SLC2A13: variants seen among roughly 807,000 people sequenced by gnomAD.
SLC2A13 encodes proton myo-inositol cotransporter.
SLC2A13 carries 32 observed loss-of-function variants against 64.4 expected under a neutral mutation model. The ratio of observed to expected loss-of-function variants is 0.50; its 90% CI spans 0.37 to 0.67. The LOEUF (loss-of-function observed/expected upper bound fraction) is 0.67. Among genes scored for constraint, SLC2A13 ranks in the 30% least tolerant of loss-of-function variants. The pLI is 0.00. For missense variants in SLC2A13, 743 were observed against 829.2 expected, an observed-to-expected ratio of 0.90 and a Z score of 1.28; for synonymous variants, 338 against 327.1, an observed-to-expected ratio of 1.03 and a Z score of -0.36.
At chr12:39,833,944 C>T (rs1016630363) in intron 6 of SLC2A13, among the ~76,000 whole-genome samples, 3 of 150,804 alleles carry the variant, frequency 2.0e-5, no homozygotes, top group African/African-American at 4.9e-5. Context: ...GAAAGTAGGT[C>T]GTAAGACCCT....
At position 39,764,727 on chromosome 12, in the gene SLC2A13, CTTTG is replaced by C. The variant is rs755202513; in HGVS notation, c.1567+6_1567+9del. 1 of 1,611,222 alleles carries C rather than the reference CTTTG, an allele frequency of 6.2e-7. No homozygotes were observed. Among genetic ancestry groups the C allele is most frequent in the East Asian group, 2.2e-5 (1 of 44,778 alleles). ...AATTAATGCAACAGTATAACAAAGT[CTTTG>C]TTTACCAGGTGCAAAGAAGACAAGA... On this transcript the variant is annotated splice_donor_region_variant and intron_variant, in intron 8 of 9. Coordinates refer to ENST00000280871, the MANE Select transcript of SLC2A13 (RefSeq NM_052885.4).
At chr12:40,076,061 C>A (rs1938159415) in intron 1 of SLC2A13, among the ~76,000 whole-genome samples, 1 of 152,170 alleles carries the variant, frequency 6.6e-6, no homozygotes, top group Non-Finnish European at 1.5e-5. Flanking sequence ...GTAGTGAGCA[C>A]CTGTTATCTT....
intron 3 of SLC2A13, among the ~76,000 whole-genome samples, chr12:39,990,249 A>G (rs1462520396): frequency 1.3e-5 from 2 of 152,166 alleles, no homozygotes; most frequent in East Asian, 3.9e-4. Flanking sequence ...AGTTCCTTCT[A>G]ACAGAGCAGG....
chr12:40,003,866 G>A (rs999578905), intron 3 of SLC2A13, among the ~76,000 whole-genome samples: 5 of 151,800 alleles, frequency 3.3e-5, no homozygotes, highest in South Asian at 2.1e-4. Context: ...GGTGACGGGC[G>A]CCGGTAATCT....
chr12:39,878,074 G>C (rs573344743), intron 4 of SLC2A13, among the ~76,000 whole-genome samples: 24 of 152,126 alleles, frequency 1.6e-4, no homozygotes, highest in Non-Finnish European at 3.1e-4. Context: ...GGCTTCCTAA[G>C]GCCTCCCAAG....
At position 39,758,305 on chromosome 12, in the gene SLC2A13, C is replaced by T. The variant is rs533467680; in HGVS notation, c.*1721G>A. 1.3e-5 allele frequency: 2 copies of T among 151,860 alleles called. No homozygotes were observed. The highest frequency in any genetic ancestry group is 3.0e-5 in the Non-Finnish European group (2 of 67,770). 9.4% of individuals were successfully genotyped at this position (151,860 alleles called of 1,614,324 possible). On this transcript the variant is annotated 3_prime_UTR_variant, in exon 10 of 10. Transcript: ENST00000280871. ...TACCTCTGGTGACTTAGAGAATGAACTTCCTCAGCTGTATTCTCAGCTTGA... is the reference window on the plus strand; with the variant it reads ...TACCTCTGGTGACTTAGAGAATGAATTTCCTCAGCTGTATTCTCAGCTTGA...
At chr12:40,047,861 G>A (rs1003748169) in intron 2 of SLC2A13, among the ~76,000 whole-genome samples, 190 bp downstream of exon 2, 9 of 152,222 alleles carry the variant, frequency 5.9e-5, no homozygotes, top group Admixed American at 2.0e-4. Flanking sequence ...CTTAATGGTA[G>A]GTTCCTTGTC....
intron 6 of SLC2A13, among the ~76,000 whole-genome samples, chr12:39,840,985 A>T (rs535465359): frequency 6.6e-6 from 1 of 152,232 alleles, no homozygotes; most frequent in East Asian, 1.9e-4. Context: ...AGATAACAAG[A>T]TTGAAGCTTG....
intron 9 of SLC2A13, among the ~76,000 whole-genome samples, chr12:39,760,784 A>T (rs1050445415): frequency 6.6e-6 from 1 of 152,034 alleles, no homozygotes; most frequent in African/African-American, 2.4e-5. Context: ...AGCCAGAAAC[A>T]CATAAATATT....
At chr12:39,863,428 G>A (rs1411838401) in intron 6 of SLC2A13, among the ~76,000 whole-genome samples, 2 of 152,032 alleles carry the variant, frequency 1.3e-5, no homozygotes, top group African/African-American at 4.8e-5. Flanking sequence ...TCTGACTTTA[G>A]TTGACCTAAC....
At chr12:39,804,522 G>A (rs1203068148) in intron 7 of SLC2A13, among the ~76,000 whole-genome samples, 2 of 151,898 alleles carry the variant, frequency 1.3e-5, no homozygotes, top group Non-Finnish European at 2.9e-5. Flanking sequence ...AAATAGCTTT[G>A]GTATTCCCTG....
At chr12:39,904,729 C>G (rs1161583352) in intron 4 of SLC2A13, among the ~76,000 whole-genome samples, 1 of 152,132 alleles carries the variant, frequency 6.6e-6, no homozygotes, top group Non-Finnish European at 1.5e-5. Flanking sequence ...AACTAGACTA[C>G]AAGCCACAGG....
intron 3 of SLC2A13, among the ~76,000 whole-genome samples, chr12:40,010,790 G>A (rs1460692105): frequency 1.3e-5 from 2 of 152,048 alleles, no homozygotes; most frequent in African/African-American, 2.4e-5. Context: ...CCAGCACAAT[G>A]GCATAAACAG....
At chr12:39,845,406 T>C (rs1000896147) in intron 6 of SLC2A13, among the ~76,000 whole-genome samples, 2 of 152,126 alleles carry the variant, frequency 1.3e-5, no homozygotes, top group Non-Finnish European at 2.9e-5. Flanking sequence ...ACACTTGGCA[T>C]TAGGCTTATC....
At chr12:40,035,397 G>A (rs894081359) in intron 2 of SLC2A13, among the ~76,000 whole-genome samples, 1 of 152,150 alleles carries the variant, frequency 6.6e-6, no homozygotes, top group Admixed American at 6.5e-5. Flanking sequence ...TTAAATTTTA[G>A]TTCATGCTTC....
intron 1 of SLC2A13, among the ~76,000 whole-genome samples, chr12:40,061,727 A>G (rs1221878391): frequency 6.6e-6 from 1 of 152,042 alleles, no homozygotes; most frequent in Non-Finnish European, 1.5e-5. Context: ...AGATGACTGT[A>G]CTTTCCAAAT....
At chr12:39,895,357 G>A (rs1592251816) in intron 4 of SLC2A13, among the ~76,000 whole-genome samples, 1 of 151,076 alleles carries the variant, frequency 6.6e-6, no homozygotes, top group East Asian at 1.9e-4. Context: ...GGGCTTGGTG[G>A]CAGGCACCTG....
At chr12:40,078,240 A>G (rs1245853791) in intron 1 of SLC2A13, among the ~76,000 whole-genome samples, 1 of 152,082 alleles carries the variant, frequency 6.6e-6, no homozygotes, top group Non-Finnish European at 1.5e-5. Context: ...TTCTCAAGGA[A>G]AATGATTCCA....
intron 7 of SLC2A13, among the ~76,000 whole-genome samples, chr12:39,774,572 C>A (rs1940703001): frequency 7.1e-6 from 1 of 140,520 alleles, no homozygotes; most frequent in Non-Finnish European, 1.5e-5. Context: ...GAATGATTTC[C>A]CATTGTCCAG....
Sources: allele counts gnomAD v4.1 joint callset (sites outside exome capture counted in the v4.1 genomes callset), GRCh38; gene constraint gnomAD v4.1.1; transcripts MANE v1.5; gene names NCBI Gene and HGNC (gene_info 2026-07-23, HGNC 2026-07-21).